The following SVEP1 variants were observed in gnomAD, a reference collection of about 807,000 sequenced individuals.
SVEP1 encodes sushi, von Willebrand factor type A, EGF and pentraxin domain-containing protein 1.
A neutral mutation model predicts 367.3 loss-of-function variants in SVEP1; 164 were observed. That is an observed-to-expected ratio of 0.45 (90% CI 0.39 to 0.51). The LOEUF (loss-of-function observed/expected upper bound fraction) is 0.51, where lower values mean the gene tolerates loss of function less well. Among genes scored for constraint, SVEP1 ranks in the 20% least tolerant of loss-of-function variants. The pLI is 0.00. For missense variants in SVEP1, 4,117 were observed against 4,425.3 expected, an observed-to-expected ratio of 0.93 and a Z score of 1.98; for synonymous variants, 1,666 against 1,611.6, an observed-to-expected ratio of 1.03 and a Z score of -0.81.
At chr9:110,386,882 C>G (rs537615809) in intron 42 of SVEP1, among the ~76,000 whole-genome samples, 139 of 152,338 alleles carry the variant, frequency 9.1e-4, no homozygotes, top group African/African-American at 3.3e-3. Flanking sequence ...AACTCATTAT[C>G]TTAATTTATC....
At chr9:110,368,199 C>G (rs1827226846) in intron 47 of SVEP1, among the ~76,000 whole-genome samples, 1 of 152,192 alleles carries the variant, frequency 6.6e-6, no homozygotes, top group South Asian at 2.1e-4. Flanking sequence ...TGGAGAGGTA[C>G]ACGTGGCTTT....
intron 35 of SVEP1, among the ~76,000 whole-genome samples, chr9:110,428,143 A>G (rs970972695): frequency 1.2e-4 from 19 of 152,150 alleles, no homozygotes; most frequent in Admixed American, 9.8e-4. Context: ...AATCAGGGCA[A>G]CTAAGGTCAA....
At chr9:110,375,061 A>G (rs2118943215) in intron 46 of SVEP1, among the ~76,000 whole-genome samples, 1 of 152,284 alleles carries the variant, frequency 6.6e-6, no homozygotes, top group South Asian at 2.1e-4. Flanking sequence ...GATTAAAATA[A>G]GTATTATTCT....
intron 43 of SVEP1, among the ~76,000 whole-genome samples, chr9:110,381,947 TTGTC>T (rs1203903333): frequency 1.3e-5 from 2 of 152,242 alleles, no homozygotes; most frequent in African/African-American, 2.4e-5. Flanking sequence ...TGAAATGCCC[TTGTC>T]TTTTTTGATC....
chr9:110,483,188 T>G (rs2118707640), intron 10 of SVEP1, among the ~76,000 whole-genome samples: 1 of 152,340 alleles, frequency 6.6e-6, no homozygotes, highest in South Asian at 2.1e-4. Flanking sequence ...TTCTACTTTC[T>G]TATGACCTTT....
At chr9:110,468,129 T>C (rs1322140939) in intron 17 of SVEP1, among the ~76,000 whole-genome samples, 1 of 152,218 alleles carries the variant, frequency 6.6e-6, no homozygotes, top group Non-Finnish European at 1.5e-5. Flanking sequence ...AAGTAATCCT[T>C]TATAGCAATG....
intron 21 of SVEP1, among the ~76,000 whole-genome samples, chr9:110,456,753 A>C (rs751352538): frequency 1.3e-5 from 2 of 152,264 alleles, no homozygotes; most frequent in African/African-American, 2.4e-5. Flanking sequence ...ACTGTTAAAA[A>C]CCCCCATAAT....
intron 39 of SVEP1, among the ~76,000 whole-genome samples, chr9:110,403,505 G>A (rs1311279977): frequency 6.6e-6 from 1 of 151,488 alleles, no homozygotes; most frequent in Non-Finnish European, 1.5e-5. Context: ...GGGTTTCACT[G>A]TGTTGTCCAG....
chr9:110,442,639 G>GT (rs139446714), intron 27 of SVEP1: 19,560 of 151,232 alleles, frequency 0.13, 1,592 homozygotes, highest in South Asian at 0.23. Flanking sequence ...TTTTCTGTGC[G>GT]TTTTTAGTAG....
chr9:110,507,138 A>G (rs1463198535), intron 5 of SVEP1, among the ~76,000 whole-genome samples: 1 of 152,236 alleles, frequency 6.6e-6, no homozygotes, highest in East Asian at 1.9e-4. Flanking sequence ...ACATCGTACA[A>G]AAGACAGAAA....
At chr9:110,383,651 G>A (rs535759778) in intron 43 of SVEP1, among the ~76,000 whole-genome samples, 1 of 152,234 alleles carries the variant, frequency 6.6e-6, no homozygotes, top group Non-Finnish European at 1.5e-5. Flanking sequence ...AAACTGTGCT[G>A]TGGGGAATCC....
chr9:110,386,709 C>G (rs1588024833), intron 42 of SVEP1, among the ~76,000 whole-genome samples: 1 of 152,180 alleles, frequency 6.6e-6, no homozygotes, highest in East Asian at 1.9e-4. Flanking sequence ...ACACACATGT[C>G]AACACATATT....
intron 11 of SVEP1, 68 bp downstream of exon 11, chr9:110,482,293 A>G: frequency 6.7e-7 from 1 of 1,496,682 alleles, no homozygotes; most frequent in Non-Finnish European, 8.9e-7. Flanking sequence ...CTTTCATAAA[A>G]CAGAGCACTA....
At position 110,375,464 on chromosome 9, in the gene SVEP1, C is replaced by CAAA; in HGVS notation, c.10505-2_10505-1insTTT. Reference sequence around the variant, plus strand: ...TTCAGACAGGGAAGAATGCAGATTGCTAAAAAAAAAAAAAAAAAAAAAAAA... The same window carrying CAAA: ...TTCAGACAGGGAAGAATGCAGATTGCAAATAAAAAAAAAAAAAAAAAAAAAAAA... On this transcript the variant is annotated splice_acceptor_variant, in intron 45 of 47. Coordinates refer to ENST00000374469, the MANE Select transcript of SVEP1 (RefSeq NM_153366.4). LOFTEE classifies it high-confidence loss of function. The CAAA allele has an allele frequency of 1.3e-5, 5 of 399,068 alleles. No homozygotes were observed. The highest frequency in any genetic ancestry group is 1.0e-4 in the Admixed American group (1 of 9,964). The allele number at this position is 399,068 out of a possible 1,614,324, so 24.7% of individuals were successfully genotyped here.
chr9:110,531,505 T>C (rs1025674392), intron 3 of SVEP1, among the ~76,000 whole-genome samples: 2 of 152,158 alleles, frequency 1.3e-5, no homozygotes, highest in Admixed American at 1.3e-4. Context: ...TTTCCCTGCA[T>C]TTGCTCAGCA....
intron 36 of SVEP1, among the ~76,000 whole-genome samples, chr9:110,412,788 A>T (rs1483106374): frequency 6.6e-6 from 1 of 152,262 alleles, no homozygotes; most frequent in Non-Finnish European, 1.5e-5. Context: ...ACACATGAAG[A>T]AATGCTCATC....
At chr9:110,376,589 G>T (rs545865506) in intron 45 of SVEP1, among the ~76,000 whole-genome samples, 131 of 152,232 alleles carry the variant, frequency 8.6e-4, no homozygotes, top group African/African-American at 3.0e-3. Context: ...AACTGGTATA[G>T]ACCAATGGCC....
chr9:110,474,005 T>A (rs1829061550), intron 14 of SVEP1, among the ~76,000 whole-genome samples: 1 of 152,188 alleles, frequency 6.6e-6, no homozygotes, highest in Non-Finnish European at 1.5e-5. Flanking sequence ...CCACTTTAGT[T>A]ATTTTATTTT....
intron 1 of SVEP1, among the ~76,000 whole-genome samples, chr9:110,570,466 G>C (rs1000753954): frequency 1.6e-5 from 2 of 125,762 alleles, no homozygotes; most frequent in Non-Finnish European, 3.3e-5. Flanking sequence ...AGTTTCTGTT[G>C]CGTGTGTGTG....
Sources: gnomAD v4.1 joint callset for allele counts (sites outside exome capture counted in the v4.1 genomes callset) on GRCh38, gnomAD v4.1.1 for gene constraint, MANE v1.5 for transcripts, NCBI Gene and HGNC (gene_info 2026-07-23, HGNC 2026-07-21) for gene names.